The following GRIK2 variants were observed in gnomAD, a reference collection of about 807,000 sequenced individuals.
The protein encoded by GRIK2 is glutamate receptor ionotropic, kainate 2.
GRIK2 carries 32 observed loss-of-function variants against 100.3 expected under a neutral mutation model. The observed-to-expected ratio is 0.32, with a 90% CI of 0.24 to 0.43. The LOEUF (loss-of-function observed/expected upper bound fraction) is 0.43. GRIK2 is among the 20% of genes least tolerant of loss of function. The pLI, the probability that GRIK2 is intolerant of heterozygous loss-of-function variation, is 1.00. For missense variants in GRIK2, 843 were observed against 1,114.9 expected (o/e 0.76, Z 3.47); for synonymous variants, 417 against 389.4 (o/e 1.07, Z -0.83).
intron 12 of GRIK2, among the ~76,000 whole-genome samples, chr6:101,914,062 G>T (rs1321287116): frequency 2.0e-5 from 3 of 151,416 alleles, no homozygotes; most frequent in African/African-American, 7.3e-5. Flanking sequence ...AGGGAGATGT[G>T]TTGGTTTGGA....
At chr6:101,940,275 C>A (rs1232024824) in intron 14 of GRIK2, among the ~76,000 whole-genome samples, 1 of 152,092 alleles carries the variant, frequency 6.6e-6, no homozygotes, top group Non-Finnish European at 1.5e-5. Flanking sequence ...TGAGTAGCAT[C>A]AAGTCTTCCA....
At chr6:101,759,690 T>G (rs1777361978) in intron 7 of GRIK2, among the ~76,000 whole-genome samples, 1 of 152,000 alleles carries the variant, frequency 6.6e-6, no homozygotes, top group African/African-American at 2.4e-5. Flanking sequence ...CATTTAATAT[T>G]AGTTTTTAAT....
chr6:101,812,480 T>C (rs1002110325), intron 9 of GRIK2, among the ~76,000 whole-genome samples: 1 of 151,864 alleles, frequency 6.6e-6, no homozygotes, highest in Non-Finnish European at 1.5e-5. Context: ...ATAAAACATT[T>C]ATTTCTGTTC....
chr6:101,651,813 G>C (rs1243767388), intron 4 of GRIK2, among the ~76,000 whole-genome samples: 2 of 152,180 alleles, frequency 1.3e-5, no homozygotes, highest in African/African-American at 4.8e-5. Context: ...TGAAGATCCA[G>C]TAGGGTCTGG....
intron 2 of GRIK2, among the ~76,000 whole-genome samples, chr6:101,419,527 G>C: frequency 6.6e-6 from 1 of 152,278 alleles, no homozygotes; most frequent in East Asian, 1.9e-4. Flanking sequence ...CGGAGCAATA[G>C]TGTGGCTGAA....
chr6:101,908,102 A>G (rs547716505), intron 12 of GRIK2, among the ~76,000 whole-genome samples: 2 of 151,618 alleles, frequency 1.3e-5, no homozygotes, highest in Admixed American at 6.6e-5. Context: ...GTCCTACATC[A>G]TTCTGTCCGA....
chr6:101,551,958 T>C (rs1235351133), intron 2 of GRIK2, among the ~76,000 whole-genome samples: 2 of 152,190 alleles, frequency 1.3e-5, no homozygotes, highest in Non-Finnish European at 2.9e-5. Flanking sequence ...AGTGCTGACC[T>C]AAGGCAGTAA....
intron 2 of GRIK2, among the ~76,000 whole-genome samples, chr6:101,534,039 G>T (rs1394176208): frequency 1.3e-5 from 2 of 151,812 alleles, no homozygotes; most frequent in Non-Finnish European, 2.9e-5. Flanking sequence ...ACTTACAAAA[G>T]CATCGCAAGC....
At chr6:101,849,724 C>T (rs754909311) in intron 10 of GRIK2, among the ~76,000 whole-genome samples, 8 of 150,566 alleles carry the variant, frequency 5.3e-5, no homozygotes, top group Admixed American at 1.3e-4. Context: ...TTTCAATTGC[C>T]GTAATATTAC....
intron 2 of GRIK2, among the ~76,000 whole-genome samples, chr6:101,619,760 AT>A (rs1223078010): frequency 6.6e-6 from 1 of 152,090 alleles, no homozygotes. Context: ...TTATTAAGTC[AT>A]CTTATCTCAC....
chr6:101,594,901 G>A (rs1463511325), intron 2 of GRIK2, among the ~76,000 whole-genome samples: 1 of 151,116 alleles, frequency 6.6e-6, no homozygotes, highest in African/African-American at 2.4e-5. Context: ...TTCTTATGTT[G>A]TTTTATACTT....
chr6:101,790,873 C>T (rs1291415939), intron 7 of GRIK2, among the ~76,000 whole-genome samples: 2 of 151,634 alleles, frequency 1.3e-5, no homozygotes, highest in East Asian at 1.9e-4. Context: ...TGATTATTGC[C>T]ACAATTTCAG....
intron 2 of GRIK2, among the ~76,000 whole-genome samples, chr6:101,595,304 C>A (rs186131989): frequency 8.6e-5 from 13 of 151,788 alleles, no homozygotes; most frequent in African/African-American, 2.7e-4. Flanking sequence ...CAGGTAGTTA[C>A]AGACTTTCAG....
At chr6:101,941,929 G>T (rs1237705118) in intron 14 of GRIK2, among the ~76,000 whole-genome samples, 1 of 151,846 alleles carries the variant, frequency 6.6e-6, no homozygotes, top group African/African-American at 2.4e-5. Context: ...TTCCTCAAAT[G>T]ACTCCCAGAT....
At chr6:101,410,247 A>T (rs1001701504) in intron 2 of GRIK2, among the ~76,000 whole-genome samples, 5 of 152,124 alleles carry the variant, frequency 3.3e-5, no homozygotes, top group Non-Finnish European at 4.4e-5. Context: ...ATCATTCTTT[A>T]TGCATCTGCC....
chr6:101,671,083 G>C (rs944898441), intron 4 of GRIK2, among the ~76,000 whole-genome samples: 68 of 151,998 alleles, frequency 4.5e-4, no homozygotes, highest in Admixed American at 4.3e-3. Context: ...TATTCACCTA[G>C]GGTTGTTATT....
intron 14 of GRIK2, among the ~76,000 whole-genome samples, chr6:102,019,809 T>C (rs2114357816): frequency 6.6e-6 from 1 of 152,126 alleles, no homozygotes; most frequent in African/African-American, 2.4e-5. Flanking sequence ...TATATATCCC[T>C]TTTTAAATTA....
intron 2 of GRIK2, among the ~76,000 whole-genome samples, chr6:101,549,869 G>T (rs1032549844): frequency 6.6e-6 from 1 of 152,032 alleles, no homozygotes; most frequent in Admixed American, 6.6e-5. Flanking sequence ...TCCCCATTTT[G>T]CCAATGAAGA....
chr6:101,701,120 C>T (rs1772863784), intron 7 of GRIK2, among the ~76,000 whole-genome samples: 1 of 152,046 alleles, frequency 6.6e-6, no homozygotes, highest in African/African-American at 2.4e-5. Flanking sequence ...TTTCTCATTT[C>T]TATAATGACT....
Sources: gnomAD v4.1 joint callset for allele counts (sites outside exome capture counted in the v4.1 genomes callset) on GRCh38, gnomAD v4.1.1 for gene constraint, MANE v1.5 for transcripts, NCBI Gene and HGNC (gene_info 2026-07-23, HGNC 2026-07-21) for gene names.